Variants in ZNF805 observed in about 807,000 individuals in gnomAD.
The protein encoded by ZNF805 is zinc finger protein 805.
In ZNF805, 7 loss-of-function variants were observed where a neutral mutation model predicts 13.6. The ratio of observed to expected loss-of-function variants is 0.51; its 90% CI spans 0.29 to 0.97. ZNF805 has a LOEUF of 0.97. ZNF805 is among the 50% of genes least tolerant of loss of function. ZNF805 has a pLI of 0.08. For missense variants in ZNF805, 604 were observed against 771.0 expected (o/e 0.78, Z 2.57); for synonymous variants, 293 against 279.8 (o/e 1.05, Z -0.47).
At chr19:57,251,481 C>T (rs1284072364) in intron 3 of ZNF805, among the ~76,000 whole-genome samples, 1 of 151,906 alleles carries the variant, frequency 6.6e-6, no homozygotes, top group Non-Finnish European at 1.5e-5. Context: ...TTGGCTTTCT[C>T]TTTTTGATTT....
chr19:57,243,555 T>G (rs1036997812), intron 1 of ZNF805, among the ~76,000 whole-genome samples: 1 of 152,174 alleles, frequency 6.6e-6, no homozygotes, highest in African/African-American at 2.4e-5. Context: ...AAACAGAACA[T>G]GAAGCTTCAG....
rs776234874 is a variant in ZNF805, at chr19:57,254,408, C to CTT, written c.1590_1591insTT (p.Ile531LeufsTer40). ...TGGAGCACAAACCTCATTCGACACT[C>CTT]TATCATCCACACTGGAGAGAAGCCG... On this transcript the variant is annotated frameshift_variant, in exon 4 of 4. Coordinates refer to ENST00000414468, the MANE Select transcript of ZNF805 (RefSeq NM_001023563.4). LOFTEE classifies it low-confidence loss of function (END_TRUNC). 6.2e-7 allele frequency: 1 copy of CTT among 1,612,490 alleles called. No homozygotes were observed. The highest frequency in any genetic ancestry group is 8.5e-7 in the Non-Finnish European group (1 of 1,179,494).
At chr19:57,241,006 G>A in intron 1 of ZNF805, 85 bp downstream of exon 1, 1 of 1,427,588 alleles carries the variant, frequency 7.0e-7, no homozygotes, top group Non-Finnish European at 9.6e-7. Context: ...GACAGCCACA[G>A]GATTCCTCTT....
chr19:57,254,833 A>G lies in ZNF805; in HGVS notation c.*130A>G. 5 of 938,372 alleles carry G rather than the reference A, an allele frequency of 5.3e-6. No homozygotes were observed. Among genetic ancestry groups the G allele is most frequent in the Non-Finnish European group, 6.3e-6 (4 of 632,582 alleles). The allele number at this position is 938,372 out of a possible 1,614,324, so 58.1% of individuals were successfully genotyped here. ...CCCAGTGGTTATTACGCACTTGGGA[A>G]AACCTTTAGCTCCATCTTTCTCATT... On this transcript the variant is annotated 3_prime_UTR_variant, in exon 4 of 4. Coordinates refer to ENST00000414468, the MANE Select transcript of ZNF805 (RefSeq NM_001023563.4).
intron 3 of ZNF805, among the ~76,000 whole-genome samples, chr19:57,251,634 G>GTT (rs147680286): frequency 2.0e-5 from 3 of 150,298 alleles, no homozygotes; most frequent in African/African-American, 7.3e-5. Flanking sequence ...TCTGATTTAT[G>GTT]TTTTTTTTTT....
At chr19:57,243,807 A>T in intron 1 of ZNF805, 116 bp from the exon 2 acceptor site, 1 of 1,433,092 alleles carries the variant, frequency 7.0e-7, no homozygotes, top group Non-Finnish European at 9.7e-7. Context: ...CCTGGTACAA[A>T]GTTAGGCCCT....
Position 57,254,087 on chromosome 19 carries a change from G to C in ZNF805, c.1268G>C (p.Gly423Ala). 6.2e-7 allele frequency: 1 copy of C among 1,613,522 alleles called. No homozygotes were observed. Among genetic ancestry groups the C allele is most frequent in the Non-Finnish European group, 8.5e-7 (1 of 1,179,882 alleles). The change falls in exon 4 of 4, where the codon GGG becomes GCG. Residue 423 changes from glycine to alanine, a missense_variant. Around this residue, in one of 3 missense-constraint regions of ZNF805, gnomAD observed 228 missense variants for 352.8 expected, o/e 0.65. Transcript: ENST00000414468. ...YLKRHQRIHT[G>A]EKPYVCSECG... is the part of the protein sequence containing the mutation. Reference sequence around the variant, plus strand: ...AAAAGGCACCAGCGGATTCACACTGGGGAGAAGCCATATGTGTGTAGTGAA... The same window carrying C: ...AAAAGGCACCAGCGGATTCACACTGCGGAGAAGCCATATGTGTGTAGTGAA...
chr19:57,240,819 G>C lies in ZNF805; in HGVS notation c.-73G>C. 3.4e-6 allele frequency: 5 copies of C among 1,454,666 alleles called. No homozygotes were observed. Among genetic ancestry groups the C allele is most frequent in the Non-Finnish European group, 4.7e-6 (5 of 1,071,980 alleles). 90.1% of individuals were successfully genotyped at this position (1,454,666 alleles called of 1,614,324 possible). ...CCGGGCCCGGCGCAGGGAAGGGGTG[G>C]GGCTCGGCTGAGCCCGCGAGACCCG... On this transcript the variant is annotated 5_prime_UTR_variant, in exon 1 of 4. Transcript: ENST00000414468.
In ZNF805 at chr19:57,245,665, G is replaced by T. The variant is rs182706273; in HGVS notation, c.157+1616G>T. 2.7e-3 allele frequency among the ~76,000 whole-genome samples: 403 copies of T among 151,136 alleles called. 12 individuals carry two copies. In the East Asian group the frequency reaches 0.064, roughly 24 times the overall value. On this transcript the variant is annotated intron_variant, in intron 2 of 3. Transcript: ENST00000414468. ...GTGGTGGCGGGTGCCTGTAGTCCCA[G>T]CTACTCGGGAGGCTGAGGCAGGAGA... is the stretch of plus-strand genomic sequence containing the variant.
chr19:57,245,268 A>G (rs1182988456), intron 2 of ZNF805, among the ~76,000 whole-genome samples: 2 of 152,096 alleles, frequency 1.3e-5, no homozygotes, highest in African/African-American at 4.8e-5. Flanking sequence ...GAGTGTTCTC[A>G]GGGTAATTCA....
intron 2 of ZNF805, among the ~76,000 whole-genome samples, chr19:57,247,895 G>A (rs1248584600): frequency 6.6e-6 from 1 of 152,182 alleles, no homozygotes; most frequent in Non-Finnish European, 1.5e-5. Flanking sequence ...TATACCGTGA[G>A]GAAATCCTCA....
At chr19:57,245,321 C>T (rs185286917) in intron 2 of ZNF805, among the ~76,000 whole-genome samples, 2 of 152,248 alleles carry the variant, frequency 1.3e-5, no homozygotes, top group Admixed American at 1.3e-4. Flanking sequence ...CTTGCCTCCT[C>T]ACCCAGCCCT....
Position 57,253,848 on chromosome 19 carries a change from C to T in ZNF805, c.1029C>T (p.Tyr343=), listed in dbSNP as rs757983410. The T allele has an allele frequency of 1.3e-4, 216 of 1,613,958 alleles. No homozygotes were observed. The highest frequency in any genetic ancestry group is 1.6e-4 in the Middle Eastern group (1 of 6,084). Residue 343 remains tyrosine (Y), a synonymous_variant, in exon 4 of 4, where the codon TAC becomes TAT. Coordinates refer to ENST00000414468, the MANE Select transcript of ZNF805 (RefSeq NM_001023563.4). This position sits in a 1 kb window ranked among gnomAD's most constrained non-coding sequence, Gnocchi z 4.4. ...HYIIHSGENP[Y]ECFECGKVFK... is the part of the protein sequence containing the mutation. ...TCATCCACAGTGGTGAGAATCCCTA[C>T]GAGTGCTTCGAATGTGGCAAGGTCT...
At chr19:57,246,762 G>A (rs571550620) in intron 2 of ZNF805, among the ~76,000 whole-genome samples, 4 of 145,010 alleles carry the variant, frequency 2.8e-5, no homozygotes, top group Admixed American at 6.9e-5. Flanking sequence ...ATGACAGAGC[G>A]AGACTTCGTC....
At chr19:57,246,858 G>T (rs1302449784) in intron 2 of ZNF805, among the ~76,000 whole-genome samples, 1 of 151,966 alleles carries the variant, frequency 6.6e-6, no homozygotes, top group African/African-American at 2.4e-5. Flanking sequence ...GTTCCAGGCA[G>T]TGTTCATGCT....
intron 2 of ZNF805, among the ~76,000 whole-genome samples, chr19:57,245,621 TA>T (rs1340773214): frequency 2.0e-5 from 3 of 148,930 alleles, no homozygotes; most frequent in Non-Finnish European, 3.0e-5. Flanking sequence ...CTACTAAAAA[TA>T]CAAAAAATTA....
At chr19:57,251,057 G>A (rs1175444801) in intron 3 of ZNF805, among the ~76,000 whole-genome samples, 1 of 152,116 alleles carries the variant, frequency 6.6e-6, no homozygotes, top group African/African-American at 2.4e-5. Flanking sequence ...GCACTTAATT[G>A]TTTACATGTT....
In ZNF805 at chr19:57,254,668, T is replaced by TGGC. The variant is rs753070846; in HGVS notation, c.1849_1850insGGC (p.Tyr617delinsTrpHis). The TGGC allele has an allele frequency of 7.4e-6, 12 of 1,613,152 alleles. No individual in the cohort carries two copies. Among genetic ancestry groups the TGGC allele is most frequent in the Non-Finnish European group, 1.0e-5 (12 of 1,179,652 alleles). On this transcript the variant is annotated protein_altering_variant, in exon 4 of 4. Coordinates refer to ENST00000414468, the MANE Select transcript of ZNF805 (RefSeq NM_001023563.4). ...ATCTTACATGGCATCTGATCGTACA[T>TGGC]ACCAAAGAGAAACCCCACAAGTGTC...
At chr19:57,242,739 A>AC (rs2087587300) in intron 1 of ZNF805, among the ~76,000 whole-genome samples, 2 of 152,212 alleles carry the variant, frequency 1.3e-5, no homozygotes, top group African/African-American at 4.8e-5. Flanking sequence ...GGTTTTGCCC[A>AC]CATCTTGGGG....
Sources: allele counts gnomAD v4.1 joint callset (sites outside exome capture counted in the v4.1 genomes callset), GRCh38; gene constraint gnomAD v4.1.1; regional missense constraint gnomAD v4.1.1; non-coding constraint Gnocchi (gnomAD v3.1); transcripts MANE v1.5; gene names NCBI Gene and HGNC (gene_info 2026-07-23, HGNC 2026-07-21).